The following PRKCE variants were observed in gnomAD, a reference collection of about 807,000 sequenced individuals.
PRKCE encodes the protein protein kinase C epsilon.
In PRKCE, 16 loss-of-function variants were observed where a neutral mutation model predicts 85.4. That is an observed-to-expected ratio of 0.19 (90% CI 0.13 to 0.28). The LOEUF is 0.28. Ranked by LOEUF, PRKCE falls within the 10% of genes least tolerant of loss-of-function variation. PRKCE has a pLI of 1.00. For missense variants in PRKCE, 573 were observed against 975.2 expected (o/e 0.59, Z 5.49); for synonymous variants, 388 against 371.5 (o/e 1.04, Z -0.51).
At chr2:46,107,629 G>A (rs1412561903) in intron 11 of PRKCE, among the ~76,000 whole-genome samples, 3 of 152,210 alleles carry the variant, frequency 2.0e-5, no homozygotes, top group Non-Finnish European at 2.9e-5. Context: ...GTAAGAAACT[G>A]CTAAACTGTC....
At chr2:45,799,156 A>T (rs1687666501) in intron 1 of PRKCE, among the ~76,000 whole-genome samples, 2 of 147,204 alleles carry the variant, frequency 1.4e-5, no homozygotes, top group Admixed American at 1.3e-4. Flanking sequence ...ACAGAGTGGG[A>T]CTCCGTTTCA....
intron 1 of PRKCE, among the ~76,000 whole-genome samples, chr2:45,825,172 C>T (rs985651553): frequency 4.6e-5 from 7 of 152,214 alleles, no homozygotes; most frequent in Non-Finnish European, 1.0e-4. Context: ...TGGTTCTAAT[C>T]CTCTTACTCC....
At chr2:45,660,567 A>G (rs996010773) in intron 1 of PRKCE, among the ~76,000 whole-genome samples, 1 of 152,222 alleles carries the variant, frequency 6.6e-6, no homozygotes, top group Admixed American at 6.5e-5. Context: ...GGCAGCAACA[A>G]GAAACGAAAT....
At chr2:45,900,054 A>G (rs1696460671) in intron 2 of PRKCE, among the ~76,000 whole-genome samples, 1 of 152,182 alleles carries the variant, frequency 6.6e-6, no homozygotes, top group East Asian at 1.9e-4. Context: ...CAGCTAATCT[A>G]TAACAGATTT....
intron 1 of PRKCE, among the ~76,000 whole-genome samples, chr2:45,682,283 C>T (rs1676964273): frequency 6.6e-6 from 1 of 152,028 alleles, no homozygotes; most frequent in Non-Finnish European, 1.5e-5. Context: ...TACTCATTTT[C>T]TTTTTCAAAA....
intron 1 of PRKCE, among the ~76,000 whole-genome samples, chr2:45,703,861 C>T (rs1349341172): frequency 6.6e-6 from 1 of 152,196 alleles, no homozygotes; most frequent in Admixed American, 6.5e-5. Context: ...TTCTCTCATC[C>T]ATATGCTCAC....
chr2:45,995,744 T>G (rs1704161079), intron 6 of PRKCE, among the ~76,000 whole-genome samples: 1 of 152,236 alleles, frequency 6.6e-6, no homozygotes, highest in South Asian at 2.1e-4. Context: ...ATTGTCTTGA[T>G]TACTTCAGCT....
At chr2:46,069,403 T>C (rs144404967) in intron 10 of PRKCE, among the ~76,000 whole-genome samples, 145 of 152,332 alleles carry the variant, frequency 9.5e-4, no homozygotes, top group African/African-American at 3.2e-3. Context: ...AGTAAGGATT[T>C]TTTAAAGTAT....
At position 46,105,170 on chromosome 2, in the gene PRKCE, AT is replaced by A. The variant is rs201614121; in HGVS notation, c.1592+18815del. Among the ~76,000 whole-genome samples the A allele has an allele frequency of 3.8e-3, 577 of 152,172 alleles. 8 individuals are homozygous for A. The highest frequency in any genetic ancestry group is 0.013 in the African/African-American group (557 of 41,498). On this transcript the variant is annotated intron_variant, in intron 11 of 14. Transcript: ENST00000306156. ...AAGCTGCTTCTCCTGTTATCTTGAC[AT>A]TTTTTTAAGACAAATTTTTTTCTGA...
At chr2:45,657,719 A>G (rs1675443051) in intron 1 of PRKCE, among the ~76,000 whole-genome samples, 1 of 152,212 alleles carries the variant, frequency 6.6e-6, no homozygotes, top group Non-Finnish European at 1.5e-5. Flanking sequence ...CCCATCGGCA[A>G]AGCTTTTCAA....
intron 6 of PRKCE, among the ~76,000 whole-genome samples, chr2:45,986,771 G>A (rs1199275267): frequency 6.6e-6 from 1 of 152,160 alleles, no homozygotes; most frequent in African/African-American, 2.4e-5. Flanking sequence ...CCAGCATCCT[G>A]TGAGCTTCCC....
intron 2 of PRKCE, among the ~76,000 whole-genome samples, chr2:45,957,066 AT>A (rs1052201399): frequency 6.6e-5 from 10 of 152,130 alleles, no homozygotes; most frequent in African/African-American, 1.7e-4. Flanking sequence ...ATTTGCAAAT[AT>A]TTTTTCCCAT....
chr2:45,942,076 A>G (rs572735101), intron 2 of PRKCE, among the ~76,000 whole-genome samples: 1 of 152,170 alleles, frequency 6.6e-6, no homozygotes, highest in South Asian at 2.1e-4. Context: ...GAAGTACGGC[A>G]CCTCTGGCAT....
chr2:45,975,508 C>G (rs1702389256), intron 2 of PRKCE, among the ~76,000 whole-genome samples: 1 of 152,172 alleles, frequency 6.6e-6, no homozygotes, highest in Non-Finnish European at 1.5e-5. Flanking sequence ...ACACTAATCC[C>G]ATCATGGAGG....
chr2:46,167,052 A>G (rs924729684), intron 14 of PRKCE: 1 of 152,346 alleles, frequency 6.6e-6, no homozygotes, highest in South Asian at 2.1e-4. Flanking sequence ...TAGATTCTCA[A>G]TGAATTTTAA....
chr2:45,709,283 CA>C (rs1167963809), intron 1 of PRKCE, among the ~76,000 whole-genome samples: 1 of 152,226 alleles, frequency 6.6e-6, no homozygotes, highest in African/African-American at 2.4e-5. Context: ...GCAGCTGCTC[CA>C]ACCAGGCCAA....
chr2:46,111,523 G>A (rs533393843), intron 11 of PRKCE, among the ~76,000 whole-genome samples: 1 of 152,178 alleles, frequency 6.6e-6, no homozygotes, highest in South Asian at 2.1e-4. Flanking sequence ...TGAGCCTTAG[G>A]CATTCACTTA....
intron 1 of PRKCE, among the ~76,000 whole-genome samples, chr2:45,689,510 T>TTTTATATATTTTATATA (rs1677562160): frequency 6.6e-6 from 1 of 150,592 alleles, no homozygotes; most frequent in Non-Finnish European, 1.5e-5. Context: ...CTTTATTTGT[T>TTTTATATATTTTATATA]TTTATATATT....
intron 1 of PRKCE, among the ~76,000 whole-genome samples, chr2:45,738,871 A>G (rs936520253): frequency 6.6e-6 from 1 of 152,390 alleles, no homozygotes; most frequent in African/African-American, 2.4e-5. Flanking sequence ...ACACGGCTCA[A>G]TCACAGCTGT....
Sources: allele counts gnomAD v4.1 joint callset (sites outside exome capture counted in the v4.1 genomes callset), GRCh38; gene constraint gnomAD v4.1.1; transcripts MANE v1.5; gene names NCBI Gene and HGNC (gene_info 2026-07-23, HGNC 2026-07-21).